The following ESCO1 variants were observed in gnomAD, a reference collection of about 807,000 sequenced individuals.
ESCO1 encodes N-acetyltransferase ESCO1.
A neutral mutation model predicts 83.5 loss-of-function variants in ESCO1; 33 were observed. That is an observed-to-expected ratio of 0.40 (90% CI 0.30 to 0.53). ESCO1 has a LOEUF of 0.53. Among genes scored for constraint, ESCO1 ranks in the 20% least tolerant of loss-of-function variants. The pLI is 0.63. For missense variants in ESCO1, 855 were observed against 968.0 expected, an observed-to-expected ratio of 0.88 and a Z score of 1.55; for synonymous variants, 332 against 324.3, an observed-to-expected ratio of 1.02 and a Z score of -0.25.
At chr18:21,567,071 G>A (rs1467346680) in intron 5 of ESCO1, among the ~76,000 whole-genome samples, 4 of 152,058 alleles carry the variant, frequency 2.6e-5, no homozygotes, top group African/African-American at 4.8e-5. Flanking sequence ...GAAACAACAG[G>A]AATTAAGAGA....
At chr18:21,570,761 G>A (rs944241940) in intron 4 of ESCO1, among the ~76,000 whole-genome samples, 1 of 152,018 alleles carries the variant, frequency 6.6e-6, no homozygotes, top group Non-Finnish European at 1.5e-5. Flanking sequence ...GGAGGATCAG[G>A]AGGTCAGGAG....
At chr18:21,560,214 T>C (rs1363856376) in intron 8 of ESCO1, among the ~76,000 whole-genome samples, 1 of 151,996 alleles carries the variant, frequency 6.6e-6, no homozygotes, top group Non-Finnish European at 1.5e-5. Flanking sequence ...TGGTTCAATA[T>C]TGCTAAAAAA....
chr18:21,536,090 G>A lies in ESCO1; in HGVS notation c.2139C>T (p.Ser713=), dbSNP rs768163703. The A allele has an allele frequency of 6.8e-6, 11 of 1,613,978 alleles. No homozygotes were observed. The Admixed American group carries it at 1.0e-4, about 15-fold the overall frequency. ...YSRTKTLLFI[S]NDKKVVGCLI... ...GGCAGCCAACTACTTTTTTGTCATT[G>A]GAAATGAAGAGAAGTGTTTTAGTTC... Residue 713 remains serine, a synonymous_variant, in exon 10 of 12, where the codon TCC becomes TCT. Coordinates refer to ENST00000269214, the MANE Select transcript of ESCO1 (RefSeq NM_052911.3).
rs2037993304 is a variant in ESCO1, at chr18:21,547,829, C to CCA, written c.1954-7821_1954-7820insTG. On this transcript the variant is annotated intron_variant, in intron 8 of 11. Coordinates refer to ENST00000269214, the MANE Select transcript of ESCO1 (RefSeq NM_052911.3). Reference sequence around the variant, plus strand: ...ATAGAAAAGAGTATTTCCGGCCAGGCGCAGTGGCTCACACCTGTAATCCCA... The same window carrying CCA: ...ATAGAAAAGAGTATTTCCGGCCAGGCCAGCAGTGGCTCACACCTGTAATCCCA... Among the ~76,000 whole-genome samples, 3 of 152,228 alleles carry CCA rather than the reference C, an allele frequency of 2.0e-5. No individual in the cohort carries two copies. The South Asian group carries it at 6.2e-4, about 32-fold the overall frequency.
chr18:21,590,191 T>C (rs2038644400), intron 1 of ESCO1, among the ~76,000 whole-genome samples: 1 of 151,462 alleles, frequency 6.6e-6, no homozygotes, highest in Non-Finnish European at 1.5e-5. Flanking sequence ...TGCTGATCAC[T>C]TCCTTTCTTA....
intron 2 of ESCO1, among the ~76,000 whole-genome samples, chr18:21,577,700 C>T (rs970358920): frequency 6.6e-6 from 1 of 151,648 alleles, no homozygotes; most frequent in African/African-American, 2.4e-5. Flanking sequence ...CCCAGATTGC[C>T]ATTCCCATTA....
At chr18:21,537,371 T>C (rs2037850110) in intron 9 of ESCO1, among the ~76,000 whole-genome samples, 1 of 152,150 alleles carries the variant, frequency 6.6e-6, no homozygotes, top group South Asian at 2.1e-4. Context: ...AACCCATCTT[T>C]ACAAAATTGT....
At chr18:21,551,498 C>G (rs181736225) in intron 8 of ESCO1, among the ~76,000 whole-genome samples, 25 of 152,282 alleles carry the variant, frequency 1.6e-4, no homozygotes, top group Admixed American at 1.4e-3. Flanking sequence ...CCAGCCCTTC[C>G]TAAGTGAGCA....
chr18:21,543,424 T>C (rs570987523), intron 8 of ESCO1, among the ~76,000 whole-genome samples: 74 of 152,180 alleles, frequency 4.9e-4, no homozygotes, highest in Non-Finnish European at 1.0e-3. Flanking sequence ...TTCCAAAGTG[T>C]TGGGATTAAG....
chr18:21,578,372 T>C (rs2038448032), intron 2 of ESCO1, among the ~76,000 whole-genome samples: 1 of 151,828 alleles, frequency 6.6e-6, no homozygotes, highest in Non-Finnish European at 1.5e-5. Flanking sequence ...GGAGCTCTCC[T>C]ATAAAGTAGA....
chr18:21,534,979 C>T (rs888108913), intron 10 of ESCO1, among the ~76,000 whole-genome samples: 1 of 151,996 alleles, frequency 6.6e-6, no homozygotes. Context: ...TGCAGTCCAC[C>T]TGGTCTCTGT....
At chr18:21,554,879 G>A (rs2038092743) in intron 8 of ESCO1, among the ~76,000 whole-genome samples, 1 of 151,966 alleles carries the variant, frequency 6.6e-6, no homozygotes, top group African/African-American at 2.4e-5. Context: ...CTGCACTCTG[G>A]CCTGGGGGAC....
At chr18:21,572,489 A>G (rs2038354193) in intron 4 of ESCO1, among the ~76,000 whole-genome samples, 1 of 152,132 alleles carries the variant, frequency 6.6e-6, no homozygotes, top group Non-Finnish European at 1.5e-5. Context: ...TGGCCACTAC[A>G]ATTTTATTCT....
At chr18:21,585,809 T>C (rs2038567720) in intron 1 of ESCO1, among the ~76,000 whole-genome samples, 1 of 152,014 alleles carries the variant, frequency 6.6e-6, no homozygotes, top group Non-Finnish European at 1.5e-5. Context: ...CCCAAGCTGG[T>C]CTCAAACCCC....
chr18:21,564,998 C>T (rs1186361573), intron 6 of ESCO1, among the ~76,000 whole-genome samples: 4 of 152,126 alleles, frequency 2.6e-5, no homozygotes, highest in African/African-American at 9.7e-5. Context: ...ATTGCTTGAA[C>T]CTGGGAGGCG....
rs1213807707 is a variant in ESCO1 at position 21,582,479 on chromosome 18, C to T, written c.-694+1831G>A. Among the ~76,000 whole-genome samples, 14 of 152,098 alleles carry T rather than the reference C, an allele frequency of 9.2e-5. 1 individual carries two copies. The highest frequency in any genetic ancestry group is 9.2e-4 in the Admixed American group (14 of 15,268). On this transcript the variant is annotated intron_variant, in intron 2 of 11. Coordinates refer to ENST00000269214, the MANE Select transcript of ESCO1 (RefSeq NM_052911.3). Reference sequence around the variant, plus strand: ...CTCCTGGCCTCAGGTGATATGCCCGCCTCGGCCTCTGAAAGTGCTGACATT... The same window carrying T: ...CTCCTGGCCTCAGGTGATATGCCCGTCTCGGCCTCTGAAAGTGCTGACATT...
chr18:21,579,794 GCACACACACACACACACACACACACACA>G (rs765904584), intron 2 of ESCO1, among the ~76,000 whole-genome samples: 1 of 37,126 alleles, frequency 2.7e-5, no homozygotes, highest in Non-Finnish European at 9.1e-5. Flanking sequence ...ACGCGCGCGC[GCACACACACACACACACACACACACACA>G]CACACACACA....
rs1245809153 is a variant in ESCO1 at position 21,574,951 on chromosome 18, A to T, written c.-108T>A. ...TTATTACTGAGGAGCAGGTCTGAAA[A>T]ATCAACTTTAACTGATGCTGATATA... is the stretch of plus-strand genomic sequence containing the variant. On this transcript the variant is annotated 5_prime_UTR_variant, in exon 4 of 12. Transcript: ENST00000269214. 1 of 824,236 alleles carries T rather than the reference A, an allele frequency of 1.2e-6. No homozygotes were observed. Among genetic ancestry groups the T allele is most frequent in the African/African-American group, 1.7e-5 (1 of 57,336 alleles). The allele number at this position is 824,236 out of a possible 1,614,324, so 51.1% of individuals were successfully genotyped here.
Position 21,560,898 on chromosome 18 carries a change from C to G in ESCO1, c.1914G>C (p.Leu638=), listed in dbSNP as rs201787791. The change falls in exon 8 of 12, where the codon CTG becomes CTC. Residue 638 remains leucine (L), a synonymous_variant. Transcript: ENST00000269214. ...CACTTATAAACTGGTTGTGGAAAAG[C>G]AGATGCTGTGTTTCATCTTCTGGAT... ...ASNPEDETQH[L]LFHNQFISAV... 2.5e-6 allele frequency: 4 copies of G among 1,602,108 alleles called. No individual in the cohort carries two copies. Among genetic ancestry groups the G allele is most frequent in the Middle Eastern group, 1.7e-4 (1 of 5,934 alleles).
Sources: gnomAD v4.1 joint callset for allele counts (sites outside exome capture counted in the v4.1 genomes callset) on GRCh38, gnomAD v4.1.1 for gene constraint, MANE v1.5 for transcripts, NCBI Gene and HGNC (gene_info 2026-07-23, HGNC 2026-07-21) for gene names.